The following DAPK2 variants were observed in gnomAD, a reference collection of about 807,000 sequenced individuals.
DAPK2 encodes the protein death associated protein kinase 2, also known as death-associated protein kinase 2.
In DAPK2, 35 loss-of-function variants were observed where a neutral mutation model predicts 44.1. The ratio of observed to expected loss-of-function variants is 0.79; its 90% confidence interval spans 0.61 to 1.05. The LOEUF is 1.05. Ranked by LOEUF, DAPK2 falls within the 50% of genes least tolerant of loss-of-function variation. The pLI, the probability that DAPK2 is intolerant of heterozygous loss-of-function variation, is 0.00. For missense variants in DAPK2, 453 were observed against 483.2 expected, an observed-to-expected ratio of 0.94 and a Z score of 0.59; for synonymous variants, 174 against 182.6, an observed-to-expected ratio of 0.95 and a Z score of 0.38.
chr15:64,006,784 T>C (rs1186172035), intron 1 of DAPK2, among the ~76,000 whole-genome samples: 1 of 152,156 alleles, frequency 6.6e-6, no homozygotes, highest in Non-Finnish European at 1.5e-5. Flanking sequence ...CCCTGCCTCA[T>C]GTGTCAGACA....
intron 6 of DAPK2, among the ~76,000 whole-genome samples, chr15:63,927,391 C>G (rs991909464): frequency 6.6e-6 from 1 of 152,228 alleles, no homozygotes; most frequent in African/African-American, 2.4e-5. Flanking sequence ...CCCTCCTCCA[C>G]CCACAGAATT....
chr15:64,039,723 G>C (rs2080304794), intron 1 of DAPK2, among the ~76,000 whole-genome samples: 1 of 152,156 alleles, frequency 6.6e-6, no homozygotes, highest in South Asian at 2.1e-4. Context: ...GGCTCGTGTG[G>C]CTGGTTACTC....
intron 8 of DAPK2, chr15:63,921,611 C>G (rs374335567): frequency 6.6e-6 from 1 of 152,196 alleles, no homozygotes; most frequent in African/African-American, 2.4e-5. Flanking sequence ...GGTCATGAAA[C>G]GACCATGTGG....
chr15:63,955,959 G>A (rs992262421), intron 3 of DAPK2, among the ~76,000 whole-genome samples: 1 of 152,172 alleles, frequency 6.6e-6, no homozygotes, highest in Admixed American at 6.5e-5. Flanking sequence ...TCATATTACA[G>A]CTTTGATCTT....
At chr15:63,927,175 T>A (rs956852572) in intron 6 of DAPK2, among the ~76,000 whole-genome samples, 1 of 152,204 alleles carries the variant, frequency 6.6e-6, no homozygotes, top group Admixed American at 6.5e-5. Context: ...TGGCCCACAC[T>A]AAGGGCTCTG....
At chr15:63,948,912 G>A (rs118044419) in intron 3 of DAPK2, among the ~76,000 whole-genome samples, 4,083 of 152,198 alleles carry the variant, frequency 0.027, 82 homozygotes, top group South Asian at 0.065. Context: ...ACAAGAGATC[G>A]TTTGCCCACA....
At chr15:63,925,001 G>T in intron 7 of DAPK2, 140 bp from the exon 9 acceptor site, 2 of 871,952 alleles carry the variant, frequency 2.3e-6, no homozygotes, top group Non-Finnish European at 3.6e-6. Context: ...AGGATGCAGA[G>T]ATGGATGGGA....
In DAPK2 at chr15:63,917,994, CT is replaced by C. The variant is rs2078972985; in HGVS notation, c.859-5798del. On this transcript the variant is annotated intron_variant, in intron 8 of 10. Transcript: ENST00000261891. This position sits in a 1 kb window ranked among gnomAD's most constrained non-coding sequence, Gnocchi z 4.4. ...TCTTGTCCTTGTCTGTCACCTCCCC[CT>C]GAGCCAGAGCACAATCAGTGTTTGT... The C allele has an allele frequency of 1.3e-5, 2 of 152,252 alleles. No homozygotes were observed. Among genetic ancestry groups the C allele is most frequent in the South Asian group, 2.1e-4 (1 of 4,836 alleles). The allele number at this position is 152,252 out of a possible 1,614,324, so 9.4% of individuals were successfully genotyped here.
chr15:63,927,917 T>C (rs1357034661), intron 6 of DAPK2, among the ~76,000 whole-genome samples: 2 of 152,090 alleles, frequency 1.3e-5, no homozygotes, highest in Admixed American at 6.5e-5. Flanking sequence ...GCTAGTTTTT[T>C]GTTTTGTTTT....
At chr15:64,034,679 C>G (rs11636234) in intron 1 of DAPK2, among the ~76,000 whole-genome samples, 30,013 of 152,064 alleles carry the variant, frequency 0.2, 3,042 homozygotes, top group South Asian at 0.25. Context: ...TTTAAACCAG[C>G]ACGGTAGTCG....
chr15:64,018,953 G>C (rs1336963477), intron 1 of DAPK2, among the ~76,000 whole-genome samples: 2 of 152,194 alleles, frequency 1.3e-5, no homozygotes. Flanking sequence ...TCCTGGCCTT[G>C]GTTTCCTCCT....
intron 3 of DAPK2, among the ~76,000 whole-genome samples, chr15:63,954,261 T>C (rs2077664502): frequency 6.6e-6 from 1 of 152,244 alleles, no homozygotes; most frequent in Admixed American, 6.5e-5. Context: ...TCCAATGTTT[T>C]CTTTTAGTAG....
At chr15:63,979,232 T>G (rs529435126) in intron 2 of DAPK2, among the ~76,000 whole-genome samples, 1 of 152,234 alleles carries the variant, frequency 6.6e-6, no homozygotes, top group Non-Finnish European at 1.5e-5. Flanking sequence ...ATATATTCTA[T>G]ACCCCATACA....
intron 1 of DAPK2, among the ~76,000 whole-genome samples, chr15:64,037,220 C>T (rs2080235313): frequency 1.3e-5 from 2 of 152,150 alleles, no homozygotes; most frequent in African/African-American, 2.4e-5. Flanking sequence ...CCTCATGTAA[C>T]GCTGCTTGCC....
chr15:64,010,768 C>CTCAT (rs1438937461), intron 1 of DAPK2, among the ~76,000 whole-genome samples: 1 of 152,218 alleles, frequency 6.6e-6, no homozygotes, highest in East Asian at 1.9e-4. Context: ...TTCCCATGGA[C>CTCAT]TCATTCTTCA....
intron 3 of DAPK2, among the ~76,000 whole-genome samples, chr15:63,950,112 A>G (rs1411804806): frequency 6.6e-6 from 1 of 152,236 alleles, no homozygotes; most frequent in Non-Finnish European, 1.5e-5. Context: ...TTAGTATGGA[A>G]ATAGCTCCAG....
chr15:64,030,423 C>T (rs2079978737), intron 1 of DAPK2, among the ~76,000 whole-genome samples: 2 of 152,136 alleles, frequency 1.3e-5, no homozygotes, highest in Non-Finnish European at 1.5e-5. Context: ...TGTGGCCACT[C>T]TCCAACCCTG....
intron 1 of DAPK2, among the ~76,000 whole-genome samples, chr15:64,010,844 T>A (rs556073218): frequency 1.0e-3 from 157 of 152,276 alleles, no homozygotes; most frequent in African/African-American, 3.6e-3. Flanking sequence ...CAGCCGAGCT[T>A]CCTGTAATCT....
At chr15:63,920,064 C>A (rs1418779888) in intron 8 of DAPK2, 2 of 152,188 alleles carry the variant, frequency 1.3e-5, no homozygotes, top group African/African-American at 4.8e-5. Flanking sequence ...CCAAGATATA[C>A]ATTTTTGGAT....
Sources: gnomAD v4.1 joint callset for allele counts (sites outside exome capture counted in the v4.1 genomes callset) on GRCh38, gnomAD v4.1.1 for gene constraint, Gnocchi (gnomAD v3.1) non-coding constraint, MANE v1.5 for transcripts, NCBI Gene and HGNC (gene_info 2026-07-23, HGNC 2026-07-21) for gene names.